CAMTA1: variants seen among roughly 807,000 people sequenced by gnomAD.
CAMTA1 encodes the protein calmodulin-binding transcription activator 1.
CAMTA1 carries 27 observed loss-of-function variants against 170.9 expected under a neutral mutation model. That is an observed-to-expected ratio of 0.16 (90% CI 0.12 to 0.22). CAMTA1 has a LOEUF of 0.22. CAMTA1 is among the 10% of genes least tolerant of loss of function. The pLI is 1.00. For missense variants in CAMTA1, 1,619 were observed against 2,217.2 expected (o/e 0.73, Z 5.42); for synonymous variants, 833 against 891.5 (o/e 0.93, Z 1.17).
At chr1:7,563,245 C>T (rs1465522813) in intron 6 of CAMTA1, among the ~76,000 whole-genome samples, 2 of 152,218 alleles carry the variant, frequency 1.3e-5, no homozygotes, top group Non-Finnish European at 2.9e-5. Flanking sequence ...CACTAAGTAC[C>T]TGCCAGAGTC....
chr1:6,843,908 G>A (rs1040786372), intron 3 of CAMTA1, among the ~76,000 whole-genome samples: 1 of 152,202 alleles, frequency 6.6e-6, no homozygotes, highest in Non-Finnish European at 1.5e-5. Context: ...AAGAAACAGA[G>A]CAGGGGGAGC....
At chr1:6,929,804 G>C (rs1684061103) in intron 3 of CAMTA1, among the ~76,000 whole-genome samples, 1 of 152,226 alleles carries the variant, frequency 6.6e-6, no homozygotes, top group Non-Finnish European at 1.5e-5. Flanking sequence ...GCCCTTAAAG[G>C]ACAGTTCTTT....
intron 22 of CAMTA1, among the ~76,000 whole-genome samples, chr1:7,760,252 A>C (rs549966338): frequency 6.6e-5 from 10 of 152,364 alleles, no homozygotes; most frequent in Non-Finnish European, 1.2e-4. Flanking sequence ...GAAGCTGGTA[A>C]GTAGGGGTCT....
At chr1:7,474,784 C>CTGGGCT (rs2093393104) in intron 6 of CAMTA1, among the ~76,000 whole-genome samples, 1 of 152,240 alleles carries the variant, frequency 6.6e-6, no homozygotes, top group African/African-American at 2.4e-5. Context: ...TGTCCCTTAG[C>CTGGGCT]CACCCAAGAG....
intron 4 of CAMTA1, among the ~76,000 whole-genome samples, chr1:7,174,921 G>A (rs1003818446): frequency 6.6e-6 from 1 of 152,154 alleles, no homozygotes; most frequent in Admixed American, 6.5e-5. Context: ...CCTGACATCC[G>A]GATGTCCCAT....
chr1:7,393,481 T>C (rs563829318), intron 5 of CAMTA1, among the ~76,000 whole-genome samples: 193 of 152,330 alleles, frequency 1.3e-3, no homozygotes, highest in Middle Eastern at 0.01. Flanking sequence ...TCTCCCTATG[T>C]TGCCCAGGCT....
intron 12 of CAMTA1, among the ~76,000 whole-genome samples, chr1:7,735,935 G>T (rs2096768934): frequency 6.6e-6 from 1 of 152,054 alleles, no homozygotes; most frequent in East Asian, 1.9e-4. Context: ...ACCACGCCTG[G>T]CTAATTTTTG....
rs1024227498 is a variant in CAMTA1 at position 7,565,694 on chromosome 1, G to A, written c.511-74706G>A. Among the ~76,000 whole-genome samples the A allele has an allele frequency of 1.3e-5, 2 of 152,166 alleles. No homozygotes were observed. Among genetic ancestry groups the A allele is most frequent in the African/African-American group, 2.4e-5 (1 of 41,432 alleles). On this transcript the variant is annotated intron_variant, in intron 6 of 22. Coordinates refer to ENST00000303635, the MANE Select transcript of CAMTA1 (RefSeq NM_015215.4). The surrounding 1 kb of genome is among the most constrained non-coding windows in gnomAD (Gnocchi z 4.5). ...GCTCCTTGGGGAAAGGAATTCCTGG[G>A]TATTTTCTGGGGGCTGTTTTATGTT... is the stretch of plus-strand genomic sequence containing the variant.
chr1:7,434,767 A>C (rs1469542776), intron 5 of CAMTA1, among the ~76,000 whole-genome samples: 23 of 151,776 alleles, frequency 1.5e-4, no homozygotes, highest in Admixed American at 1.4e-3. Flanking sequence ...GGAGCCGGGC[A>C]TGGTGGCTCA....
In CAMTA1 at chr1:6,955,048, G is replaced by A. The variant is rs969868203; in HGVS notation, c.234+129838G>A. Among the ~76,000 whole-genome samples, 6 of 151,962 alleles carry A rather than the reference G, an allele frequency of 3.9e-5. No individual in the cohort carries two copies. In the South Asian group the frequency reaches 1.0e-3, roughly 26 times the overall value. On this transcript the variant is annotated intron_variant, in intron 3 of 22. Coordinates refer to ENST00000303635, the MANE Select transcript of CAMTA1 (RefSeq NM_015215.4). ...CTCCGGACCTTCAATTTTTGTCTGC[G>A]GCTCTGGCAATCTGGAAATGAGTCT...
At chr1:7,500,583 G>A (rs896240569) in intron 6 of CAMTA1, among the ~76,000 whole-genome samples, 2 of 152,274 alleles carry the variant, frequency 1.3e-5, no homozygotes, top group East Asian at 3.9e-4. Flanking sequence ...TCCCCTGGGT[G>A]GGCCCGTGGG....
chr1:6,827,492 A>G (rs1647447367), intron 3 of CAMTA1, among the ~76,000 whole-genome samples: 1 of 149,736 alleles, frequency 6.7e-6, no homozygotes, highest in African/African-American at 2.5e-5. Context: ...TACCCTACGA[A>G]TTGTTAATTC....
At chr1:7,186,063 G>A (rs1323999452) in intron 4 of CAMTA1, among the ~76,000 whole-genome samples, 2 of 152,154 alleles carry the variant, frequency 1.3e-5, no homozygotes, top group Admixed American at 1.3e-4. Context: ...ACAGTGAAGA[G>A]GTACAGGGGC....
chr1:7,704,771 G>C (rs2096488930), intron 11 of CAMTA1, among the ~76,000 whole-genome samples: 1 of 148,136 alleles, frequency 6.8e-6, no homozygotes, highest in African/African-American at 2.4e-5. Context: ...GCTGCGGCGA[G>C]TGGAGCTGAG....
At chr1:7,518,982 C>A (rs911374851) in intron 6 of CAMTA1, among the ~76,000 whole-genome samples, 5 of 152,028 alleles carry the variant, frequency 3.3e-5, no homozygotes, top group African/African-American at 1.2e-4. Context: ...GCAGAGCCCT[C>A]CTGGGGAGAG....
chr1:6,813,480 GTTT>G (rs560680567), intron 1 of CAMTA1, among the ~76,000 whole-genome samples: 1 of 131,374 alleles, frequency 7.6e-6, no homozygotes, highest in Non-Finnish European at 1.7e-5. Flanking sequence ...CTCCTTTTAA[GTTT>G]TTTTTTTTTT....
In CAMTA1 at chr1:7,636,567, G is replaced by A. The variant is rs377371693; in HGVS notation, c.511-3833G>A. On this transcript the variant is annotated intron_variant, in intron 6 of 22. Coordinates refer to ENST00000303635, the MANE Select transcript of CAMTA1 (RefSeq NM_015215.4). ...CCCCATCTCTACTAAAAATTAGCCGGGCATGGTGGCAGATGCCTGTAATCC... is the reference window on the plus strand; with the variant it reads ...CCCCATCTCTACTAAAAATTAGCCGAGCATGGTGGCAGATGCCTGTAATCC... Among the ~76,000 whole-genome samples the A allele has an allele frequency of 2.0e-5, 3 of 152,100 alleles. No individual in the cohort carries two copies. The East Asian group carries it at 5.8e-4, about 29-fold the overall frequency.
chr1:6,921,897 T>C (rs1046538621), intron 3 of CAMTA1, among the ~76,000 whole-genome samples: 1 of 152,144 alleles, frequency 6.6e-6, no homozygotes, highest in Non-Finnish European at 1.5e-5. Context: ...CAAGATGAGA[T>C]TTGGGTGGGG....
intron 6 of CAMTA1, among the ~76,000 whole-genome samples, chr1:7,481,792 C>A (rs1471777811): frequency 7.5e-6 from 1 of 133,044 alleles, no homozygotes; most frequent in Non-Finnish European, 1.6e-5. Flanking sequence ...TCAATATTTG[C>A]ATACAGTTCT....
Sources: allele counts gnomAD v4.1 joint callset (sites outside exome capture counted in the v4.1 genomes callset), GRCh38; gene constraint gnomAD v4.1.1; non-coding constraint Gnocchi (gnomAD v3.1); transcripts MANE v1.5; gene names NCBI Gene and HGNC (gene_info 2026-07-23, HGNC 2026-07-21).